Variants in EPB41 observed in about 807,000 individuals in gnomAD.
EPB41 encodes the protein erythrocyte membrane protein band 4.1.
In EPB41, 65 loss-of-function variants were observed where a neutral mutation model predicts 108.0. The ratio of observed to expected loss-of-function variants is 0.60; its 90% CI spans 0.49 to 0.74. The LOEUF is 0.74. Ranked by LOEUF, EPB41 falls within the 30% of genes least tolerant of loss-of-function variation. EPB41 has a pLI of 0.00. For missense variants in EPB41, 875 were observed against 1,037.0 expected (o/e 0.84, Z 2.15); for synonymous variants, 336 against 358.9 (o/e 0.94, Z 0.72).
At chr1:29,017,775 A>C (rs1395670648) in intron 6 of EPB41, among the ~76,000 whole-genome samples, 1 of 152,182 alleles carries the variant, frequency 6.6e-6, no homozygotes, top group East Asian at 1.9e-4. Context: ...CGAGCACGCT[A>C]AGCTTCTGAG....
intron 1 of EPB41, among the ~76,000 whole-genome samples, chr1:28,980,660 T>G (rs554637998): frequency 6.6e-6 from 1 of 152,128 alleles, no homozygotes; most frequent in South Asian, 2.1e-4. Flanking sequence ...GAGGTTGAAG[T>G]GAGCCGAGAT....
At chr1:28,979,782 C>T (rs1209908760) in intron 1 of EPB41, among the ~76,000 whole-genome samples, 1 of 151,438 alleles carries the variant, frequency 6.6e-6, no homozygotes, top group Non-Finnish European at 1.5e-5. Flanking sequence ...TAGAACTAAT[C>T]TACTAGTTTA....
chr1:29,038,773 C>T (rs2150414760), intron 10 of EPB41, among the ~76,000 whole-genome samples: 1 of 152,288 alleles, frequency 6.6e-6, no homozygotes, highest in South Asian at 2.1e-4. Context: ...TTTAAAAATA[C>T]ACCAAATAAC....
intron 1 of EPB41, among the ~76,000 whole-genome samples, chr1:28,941,056 A>G (rs892828540): frequency 6.6e-5 from 10 of 152,072 alleles, no homozygotes; most frequent in Admixed American, 3.9e-4. Context: ...AGAATATCAC[A>G]TTATCATCAC....
chr1:28,955,737 T>C (rs892898682), intron 1 of EPB41, among the ~76,000 whole-genome samples: 1 of 152,052 alleles, frequency 6.6e-6, no homozygotes, highest in African/African-American at 2.4e-5. Context: ...TGGAGAAGAT[T>C]GAGTGAGAGA....
chr1:28,992,886 A>G (rs919164245), intron 2 of EPB41, among the ~76,000 whole-genome samples: 1 of 152,212 alleles, frequency 6.6e-6, no homozygotes, highest in African/African-American at 2.4e-5. Context: ...ATTGGTCCCA[A>G]GCATTTCTCT....
chr1:29,039,762 C>T (rs1356007558), intron 11 of EPB41, among the ~76,000 whole-genome samples: 1 of 151,708 alleles, frequency 6.6e-6, no homozygotes, highest in African/African-American at 2.4e-5. Flanking sequence ...TGTAGTGAGC[C>T]GAGATCATGC....
chr1:29,036,001 T>A, intron 10 of EPB41, 78 bp downstream of exon 10: 1 of 1,079,444 alleles, frequency 9.3e-7, no homozygotes, highest in Non-Finnish European at 1.4e-6. Context: ...TTAAAATTCC[T>A]TTCATTGTAT....
chr1:29,048,948 G>A (rs1001202824), intron 11 of EPB41, among the ~76,000 whole-genome samples: 3 of 151,972 alleles, frequency 2.0e-5, no homozygotes, highest in Admixed American at 1.3e-4. Context: ...ACTTCTCTGT[G>A]CTCCTTAAAA....
At chr1:29,103,962 C>G (rs1459283681) in intron 17 of EPB41, among the ~76,000 whole-genome samples, 1 of 152,192 alleles carries the variant, frequency 6.6e-6, no homozygotes, top group African/African-American at 2.4e-5. Flanking sequence ...CCACTGCTCC[C>G]GGCCCACATT....
intron 19 of EPB41, among the ~76,000 whole-genome samples, chr1:29,114,280 A>G (rs1670145898): frequency 6.6e-6 from 1 of 152,208 alleles, no homozygotes; most frequent in African/African-American, 2.4e-5. Flanking sequence ...CAGATCCTCA[A>G]ACAGGGACCC....
intron 1 of EPB41, among the ~76,000 whole-genome samples, chr1:28,925,888 CA>C (rs2093417656): frequency 6.6e-6 from 1 of 152,034 alleles, no homozygotes; most frequent in South Asian, 2.1e-4. Flanking sequence ...TCATTTAGTA[CA>C]TGTTAAGTGA....
rs777766082 is a variant in EPB41, at chr1:29,039,394, C to G, written c.1604C>G (p.Ala535Gly). The G allele has an allele frequency of 2.5e-6, 4 of 1,614,068 alleles. No individual in the cohort carries two copies. In the South Asian group the frequency reaches 4.4e-5, roughly 18 times the overall value. ...DRPAPHFERT[A>G]SKRASRSLDG... Reference sequence around the variant, plus strand: ...CCTGCCCCACACTTCGAGCGTACAGCAAGTAAACGGGCGTCCCGGAGCCTC... The same window carrying G: ...CCTGCCCCACACTTCGAGCGTACAGGAAGTAAACGGGCGTCCCGGAGCCTC... The change falls in exon 11 of 21, where the codon GCA becomes GGA. Residue 535 changes from alanine (A) to glycine (G), a missense_variant. Ala to Gly is a moderately conservative substitution (Grantham distance 60). Coordinates refer to ENST00000343067, the MANE Select transcript of EPB41 (RefSeq NM_001376013.1).
chr1:28,996,794 A>G (rs1009121568), intron 3 of EPB41, among the ~76,000 whole-genome samples: 4 of 152,206 alleles, frequency 2.6e-5, no homozygotes, highest in Non-Finnish European at 5.9e-5. Flanking sequence ...GAAAGAAGAA[A>G]TCGGAAAGTG....
At chr1:29,104,483 A>G (rs1666470241) in intron 17 of EPB41, among the ~76,000 whole-genome samples, 1 of 152,142 alleles carries the variant, frequency 6.6e-6, no homozygotes, top group Admixed American at 6.6e-5. Flanking sequence ...TGGCATGACC[A>G]CAGTTCACTG....
At chr1:29,016,204 T>C (rs1558031755) in intron 6 of EPB41, among the ~76,000 whole-genome samples, 1 of 152,210 alleles carries the variant, frequency 6.6e-6, no homozygotes, top group Non-Finnish European at 1.5e-5. Flanking sequence ...AGACGGAGTC[T>C]CGCTCTTGTC....
intron 17 of EPB41, among the ~76,000 whole-genome samples, chr1:29,098,659 G>T (rs1664116409): frequency 1.3e-5 from 2 of 152,150 alleles, no homozygotes; most frequent in African/African-American, 4.8e-5. Context: ...ACAAGTAATT[G>T]AATATCTCTG....
chr1:29,039,137 A>T, intron 10 of EPB41, 117 bp from the exon 11 acceptor site: 1 of 1,162,000 alleles, frequency 8.6e-7, no homozygotes, highest in Non-Finnish European at 1.2e-6. Flanking sequence ...CTTAGTAACT[A>T]TATGGAAACC....
Position 28,887,382 on chromosome 1 carries a change from T to G in EPB41, c.-8+172T>G. The G allele has an allele frequency of 1.0e-6, 1 of 985,040 alleles. No individual in the cohort carries two copies. The highest frequency in any genetic ancestry group is 1.2e-6 in the Non-Finnish European group (1 of 829,844). 61.0% of individuals were successfully genotyped at this position (985,040 alleles called of 1,614,324 possible). ...CGAATTCCAGAATCCGAACTTGGGG[T>G]CCAAAGGAGTCTGGGCATCTTAAAG... On this transcript the variant is annotated intron_variant, in intron 1 of 16. Transcript: ENST00000347529. This position sits in a 1 kb window ranked among gnomAD's most constrained non-coding sequence, Gnocchi z 4.9.
Sources: gnomAD v4.1 joint callset for allele counts (sites outside exome capture counted in the v4.1 genomes callset) on GRCh38, gnomAD v4.1.1 for gene constraint, Gnocchi (gnomAD v3.1) non-coding constraint, MANE v1.5 for transcripts, NCBI Gene and HGNC (gene_info 2026-07-23, HGNC 2026-07-21) for gene names.